The following STPG2 variants were observed in gnomAD, a reference collection of about 807,000 sequenced individuals.
The protein encoded by STPG2 is sperm tail PG-rich repeat containing 2.
In STPG2, 56 loss-of-function variants were observed where a neutral mutation model predicts 54.2. The observed-to-expected ratio is 1.03, with a 90% confidence interval of 0.83 to 1.29. The LOEUF is 1.29. Ranked by LOEUF, STPG2 falls within the 50% of genes most tolerant of loss-of-function variation. STPG2 has a pLI of 0.00. For missense variants in STPG2, 596 were observed against 544.9 expected (o/e 1.09, Z -0.93); for synonymous variants, 200 against 181.8 (o/e 1.10, Z -0.81).
intron 4 of STPG2, among the ~76,000 whole-genome samples, chr4:97,550,575 T>A (rs2148867291): frequency 6.6e-6 from 1 of 152,306 alleles, no homozygotes; most frequent in East Asian, 1.9e-4. Context: ...TTTAATTACC[T>A]ATGTTATTAA....
downstream of STPG2, among the ~76,000 whole-genome samples, chr4:97,558,499 C>G (rs557398852): frequency 1.3e-5 from 2 of 152,182 alleles, no homozygotes; most frequent in African/African-American, 4.8e-5. Context: ...TCTTCTTGCT[C>G]ACTTCCCCTG....
At chr4:97,620,823 G>C (rs1311665143) in intron 10 of STPG2, among the ~76,000 whole-genome samples, 3 of 151,918 alleles carry the variant, frequency 2.0e-5, no homozygotes, top group Admixed American at 6.6e-5. Context: ...AACAATAACA[G>C]AATATACATT....
chr4:98,077,740 T>C (rs1400072276), intron 5 of STPG2, among the ~76,000 whole-genome samples: 2 of 152,196 alleles, frequency 1.3e-5, no homozygotes, highest in African/African-American at 4.8e-5. Flanking sequence ...AAGTGTCCAA[T>C]TATACCAGTC....
At chr4:97,652,688 A>T (rs898536242) in intron 10 of STPG2, among the ~76,000 whole-genome samples, 5 of 152,014 alleles carry the variant, frequency 3.3e-5, no homozygotes, top group Admixed American at 3.3e-4. Context: ...ACACATACAC[A>T]TAAAAAAGTA....
At chr4:98,120,651 C>T (rs1001043933) in intron 3 of STPG2, among the ~76,000 whole-genome samples, 24 of 152,148 alleles carry the variant, frequency 1.6e-4, no homozygotes, top group Non-Finnish European at 2.5e-4. Context: ...GTTTGCATTC[C>T]TCTAATGATC....
intron 4 of STPG2, among the ~76,000 whole-genome samples, chr4:97,536,434 C>T (rs1731533173): frequency 6.6e-6 from 1 of 152,184 alleles, no homozygotes; most frequent in Admixed American, 6.5e-5. Flanking sequence ...TGTCTCTCTC[C>T]TGATGCCTTG....
At chr4:97,882,286 T>G (rs1259100873) in intron 8 of STPG2, among the ~76,000 whole-genome samples, 1 of 152,160 alleles carries the variant, frequency 6.6e-6, no homozygotes, top group Non-Finnish European at 1.5e-5. Context: ...CATTTCTTAC[T>G]GTGTAGACCT....
chr4:98,012,093 C>T (rs115986162), intron 5 of STPG2, among the ~76,000 whole-genome samples: 9,193 of 152,030 alleles, frequency 0.06, 363 homozygotes, highest in Admixed American at 0.12. Context: ...TGAAGTTTTA[C>T]ATTTAAGTGT....
chr4:97,942,531 G>T (rs150355674), intron 8 of STPG2, among the ~76,000 whole-genome samples: 26 of 151,958 alleles, frequency 1.7e-4, no homozygotes, highest in African/African-American at 5.3e-4. Flanking sequence ...TCATAGAATA[G>T]AACCTGATGC....
At chr4:97,908,663 C>A (rs1226129183) in intron 8 of STPG2, among the ~76,000 whole-genome samples, 2 of 151,702 alleles carry the variant, frequency 1.3e-5, no homozygotes, top group Non-Finnish European at 2.9e-5. Flanking sequence ...GGCACATATA[C>A]ACCATGGAAT....
Position 98,106,053 on chromosome 4 carries a change from G to A in STPG2, c.512C>T (p.Ser171Leu), listed in dbSNP as rs773382910. Residue 171 changes from serine to leucine, a missense_variant, in exon 5 of 11, where the codon TCA becomes TTA. By Grantham distance (145) the Ser-to-Leu change is moderately radical. Coordinates refer to ENST00000295268, the MANE Select transcript of STPG2 (RefSeq NM_174952.3). Reference sequence around the variant, plus strand: ...CTTGATGTTAACATTTTCATAATATGATGTCTTTTTCCTTCAGAAAATTCA... The same window carrying A: ...CTTGATGTTAACATTTTCATAATATAATGTCTTTTTCCTTCAGAAAATTCA... Reference protein sequence around the residue: ...GQYDIVQKKTSYYENVNIKRD... With the variant: ...GQYDIVQKKTLYYENVNIKRD... 4 of 1,473,976 alleles carry A rather than the reference G, an allele frequency of 2.7e-6. No homozygotes were observed. In the South Asian group the frequency reaches 5.0e-5, roughly 18 times the overall value. 91.3% of individuals were successfully genotyped at this position (1,473,976 alleles called of 1,614,324 possible).
chr4:98,025,691 C>T, intron 5 of STPG2: 2 of 1,234,096 alleles, frequency 1.6e-6, no homozygotes, highest in Non-Finnish European at 2.4e-6. Flanking sequence ...TTGTACTGGC[C>T]TCCTGCTGGC....
intron 5 of STPG2, among the ~76,000 whole-genome samples, chr4:97,993,972 C>T (rs768675580): frequency 2.0e-4 from 31 of 152,094 alleles, no homozygotes; most frequent in African/African-American, 6.7e-4. Context: ...TGGATCTTCT[C>T]TCTTCATTTC....
rs374133335 is a variant in STPG2 at position 97,612,181 on chromosome 4, A to G, written c.1321-53064T>C. ...TTAATAAATATTTAAGAATGGCATC[A>G]TTATTTATCCCATAATACCACACAC... On this transcript the variant is annotated intron_variant, in intron 10 of 10. Transcript: ENST00000295268. Among the ~76,000 whole-genome samples the G allele has an allele frequency of 4.6e-5, 7 of 151,772 alleles. No individual in the cohort carries two copies. The East Asian group carries it at 1.4e-3, about 30-fold the overall frequency.
intron 5 of STPG2, among the ~76,000 whole-genome samples, chr4:98,051,004 C>CA (rs1176957952): frequency 2.0e-4 from 26 of 127,944 alleles, no homozygotes; most frequent in Admixed American, 3.9e-4. Flanking sequence ...GACTCCATCT[C>CA]AAAAAAAAGA....
At chr4:98,004,179 A>G (rs557524825) in intron 5 of STPG2, among the ~76,000 whole-genome samples, 6 of 152,308 alleles carry the variant, frequency 3.9e-5, no homozygotes, top group Non-Finnish European at 7.4e-5. Context: ...AGCCCCTAAC[A>G]ACCACTATTC....
Position 98,123,565 on chromosome 4 carries a change from A to G in STPG2, c.387+4863T>C, listed in dbSNP as rs574561937. ...GTTGTCTGAGAGACTGTTCATTATGATTTCAGTTCTTTTCATTTGCTCAGG... is the reference window on the plus strand; with the variant it reads ...GTTGTCTGAGAGACTGTTCATTATGGTTTCAGTTCTTTTCATTTGCTCAGG... On this transcript the variant is annotated intron_variant, in intron 3 of 10. Transcript: ENST00000295268. 2.5e-4 allele frequency among the ~76,000 whole-genome samples: 38 copies of G among 152,242 alleles called. No homozygotes were observed. The South Asian group carries it at 7.7e-3, about 31-fold the overall frequency.
rs535886920 is a variant in STPG2, at chr4:98,136,516, T to C, written c.110-2057A>G. ...GTACTGAAAGTGAAAAATAGAATGG[T>C]TGTGTGGGTACTGGAAGTTTGGTTT... On this transcript the variant is annotated intron_variant, in intron 1 of 10. Coordinates refer to ENST00000295268, the MANE Select transcript of STPG2 (RefSeq NM_174952.3). Among the ~76,000 whole-genome samples, 25 of 151,858 alleles carry C rather than the reference T, an allele frequency of 1.6e-4. No homozygotes were observed. In the South Asian group the frequency reaches 4.6e-3, roughly 28 times the overall value.
intron 10 of STPG2, among the ~76,000 whole-genome samples, chr4:97,659,721 T>C (rs1317844854): frequency 6.6e-6 from 1 of 152,234 alleles, no homozygotes; most frequent in African/African-American, 2.4e-5. Flanking sequence ...CTGAACAGTT[T>C]GCCTGTGAGA....
Sources: allele counts gnomAD v4.1 joint callset (sites outside exome capture counted in the v4.1 genomes callset), GRCh38; gene constraint gnomAD v4.1.1; transcripts MANE v1.5; gene names NCBI Gene and HGNC (gene_info 2026-07-23, HGNC 2026-07-21).